Variants in DNAJC21 observed in about 807,000 individuals in gnomAD.
DNAJC21 encodes DnaJ heat shock protein family (Hsp40) member C21, also known as dnaJ homolog subfamily C member 21.
In DNAJC21, 63 loss-of-function variants were observed where a neutral mutation model predicts 72.4. The observed-to-expected ratio is 0.87, with a 90% CI of 0.71 to 1.07. The LOEUF (loss-of-function observed/expected upper bound fraction) is 1.07, where lower values mean the gene tolerates loss of function less well. Among genes scored for constraint, DNAJC21 ranks in the 50% least tolerant of loss-of-function variants. DNAJC21 has a pLI of 0.00. For missense variants in DNAJC21, 634 were observed against 644.8 expected (o/e 0.98, Z 0.18); for synonymous variants, 203 against 216.7 (o/e 0.94, Z 0.56).
In DNAJC21 at chr5:34,935,706, T is replaced by A. The variant is rs373857315; in HGVS notation, c.192-4T>A. 1.2e-5 allele frequency: 20 copies of A among 1,613,894 alleles called. No homozygotes were observed. Among genetic ancestry groups the A allele is most frequent in the Non-Finnish European group, 1.7e-5 (20 of 1,179,874 alleles). On this transcript the variant is annotated splice_region_variant and splice_polypyrimidine_tract_variant and intron_variant, in intron 2 of 11. Coordinates refer to ENST00000648817, the MANE Select transcript of DNAJC21 (RefSeq NM_001012339.3). ...TCACAATGATGCTAATTTTTGTTTT[T>A]CAGGTATGATAATCATAGAGAGGCC...
At chr5:34,954,305 C>A (rs1765469319) in intron 11 of DNAJC21, 1 of 487,730 alleles carries the variant, frequency 2.1e-6, no homozygotes, top group South Asian at 4.2e-5. Context: ...AGCATAAACT[C>A]TTCCTCTTTT....
At chr5:34,930,877 G>T (rs546570178) in intron 1 of DNAJC21, among the ~76,000 whole-genome samples, 2 of 152,276 alleles carry the variant, frequency 1.3e-5, no homozygotes, top group South Asian at 2.1e-4. Flanking sequence ...GAAAAAAATC[G>T]CAACATACAT....
chr5:34,946,796 T>C (rs1361104165), intron 9 of DNAJC21, among the ~76,000 whole-genome samples: 1 of 152,180 alleles, frequency 6.6e-6, no homozygotes, highest in Non-Finnish European at 1.5e-5. Context: ...GGAGAGAGAT[T>C]TATGTTTAAC....
Position 34,937,506 on chromosome 5 carries a change from G to A in DNAJC21, c.619G>A (p.Val207Ile). 6.2e-7 allele frequency: 1 copy of A among 1,614,180 alleles called. No homozygotes were observed. The highest frequency in any genetic ancestry group is 8.5e-7 in the Non-Finnish European group (1 of 1,179,998). The change falls in exon 5 of 12, where the codon GTA (valine) becomes ATA (isoleucine). Residue 207 changes from valine (V) to isoleucine (I), a missense_variant. By Grantham distance (29) the Val-to-Ile change is conservative. Transcript: ENST00000648817. ...GAAGAATGAGCTTGTCCGTCAGCTGGTAGCTTTCATTCGTAAAAGAGATAA... is the reference window on the plus strand; with the variant it reads ...GAAGAATGAGCTTGTCCGTCAGCTGATAGCTTTCATTCGTAAAAGAGATAA... ...KEKNELVRQL[V>I]AFIRKRDKRV...
At chr5:34,933,995 A>G in intron 2 of DNAJC21, 87 bp downstream of exon 2, 1 of 1,189,840 alleles carries the variant, frequency 8.4e-7, no homozygotes, top group Non-Finnish European at 1.2e-6. Context: ...AATTTAGTAC[A>G]TTAAATGGTT....
chr5:34,941,501 G>A (rs1203602918), intron 7 of DNAJC21, among the ~76,000 whole-genome samples: 3 of 151,606 alleles, frequency 2.0e-5, no homozygotes, highest in Non-Finnish European at 2.9e-5. Flanking sequence ...AGGATTGCAA[G>A]CGTGAGCCAC....
At chr5:34,942,675 T>C (rs1347596496) in intron 7 of DNAJC21, among the ~76,000 whole-genome samples, 3 of 152,236 alleles carry the variant, frequency 2.0e-5, no homozygotes, top group Non-Finnish European at 4.4e-5. Flanking sequence ...TCTTTCTCTC[T>C]ACACGCTCAA....
intron 7 of DNAJC21, among the ~76,000 whole-genome samples, chr5:34,942,834 T>C (rs463862): frequency 0.71 from 108,472 of 152,136 alleles, 39,644 homozygotes; most frequent in Non-Finnish European, 0.8. Context: ...TTTGGGAGGT[T>C]GAGGTGGACA....
At chr5:34,954,312 T>C (rs887954804) in intron 11 of DNAJC21, 3 of 492,366 alleles carry the variant, frequency 6.1e-6, no homozygotes, top group African/African-American at 2.0e-5. Context: ...ACTCTTCCTC[T>C]TTTTTAGTCC....
rs761579402 is a variant in DNAJC21 at position 34,950,357 on chromosome 5, C to T, written c.1358+15C>T. On this transcript the variant is annotated intron_variant, in intron 10 of 11. Transcript: ENST00000648817. ...GAAGCTAAAAGGTAAGTCAAAGTTGCATATTATTTGTAAATTACTGAATAT... is the reference window on the plus strand; with the variant it reads ...GAAGCTAAAAGGTAAGTCAAAGTTGTATATTATTTGTAAATTACTGAATAT... 2.1e-5 allele frequency: 34 copies of T among 1,601,688 alleles called. No homozygotes were observed. The East Asian group carries it at 6.7e-4, about 32-fold the overall frequency.
intron 9 of DNAJC21, among the ~76,000 whole-genome samples, chr5:34,949,339 G>A (rs562074304): frequency 6.6e-6 from 1 of 152,074 alleles, no homozygotes; most frequent in Non-Finnish European, 1.5e-5. Flanking sequence ...AAAAAAAAGT[G>A]GGGGAGCTGC....
At chr5:34,933,571 G>A (rs954860262) in intron 1 of DNAJC21, among the ~76,000 whole-genome samples, 2 of 152,110 alleles carry the variant, frequency 1.3e-5, no homozygotes, top group East Asian at 1.9e-4. Context: ...GAGCCATCAC[G>A]CCCAGCCCAG....
In DNAJC21 at chr5:34,938,879, A is replaced by G; in HGVS notation, c.765A>G (p.Glu255=). The G allele has an allele frequency of 6.2e-7, 1 of 1,614,060 alleles. No homozygotes were observed. Among genetic ancestry groups the G allele is most frequent in the Non-Finnish European group, 8.5e-7 (1 of 1,179,986 alleles). ...KQAKLVEQYR[E]QSWMTMANLE... ...CTAGACTGGTGGAGCAGTACAGAGA[A>G]CAGAGCTGGATGACTATGGCCAATT... is the stretch of plus-strand genomic sequence containing the variant. The change falls in exon 6 of 12, where the codon GAA becomes GAG. Residue 255 remains glutamate, a synonymous_variant. Transcript: ENST00000648817.
chr5:34,947,444 C>T (rs576797585), intron 9 of DNAJC21, among the ~76,000 whole-genome samples: 4 of 152,088 alleles, frequency 2.6e-5, no homozygotes, highest in Admixed American at 2.0e-4. Flanking sequence ...TGAAGTATCA[C>T]GTAGTTAAAT....
chr5:34,939,712 G>T (rs1006728827), intron 6 of DNAJC21, among the ~76,000 whole-genome samples: 16 of 151,990 alleles, frequency 1.1e-4, no homozygotes, highest in Admixed American at 9.8e-4. Flanking sequence ...GCTCCTCTTG[G>T]TGTGCCAAAA....
At chr5:34,954,350 G>C (rs942255662) in intron 11 of DNAJC21, among the ~76,000 whole-genome samples, 3 of 152,062 alleles carry the variant, frequency 2.0e-5, no homozygotes, top group Non-Finnish European at 4.4e-5. Context: ...GAAAGTCTCA[G>C]GACCCTTAAA....
chr5:34,954,829 G>T lies in DNAJC21; in HGVS notation c.*115G>T. The T allele has an allele frequency of 4.3e-6, 5 of 1,175,402 alleles. No individual in the cohort carries two copies. The highest frequency in any genetic ancestry group is 4.8e-5 in the South Asian group (2 of 41,514). 72.8% of individuals were successfully genotyped at this position (1,175,402 alleles called of 1,614,324 possible). On this transcript the variant is annotated 3_prime_UTR_variant, in exon 12 of 12. Coordinates refer to ENST00000648817, the MANE Select transcript of DNAJC21 (RefSeq NM_001012339.3). ...ATCTGCAATTAATTACATTGTGGAA[G>T]ATTATTTTTTATCTTGTAAAAACAC...
rs760089399 is a variant in DNAJC21 at position 34,945,742 on chromosome 5, G to A, written c.1143-19G>A. 7 of 1,569,960 alleles carry A rather than the reference G, an allele frequency of 4.5e-6. No homozygotes were observed. In the East Asian group the frequency reaches 7.0e-5, roughly 16 times the overall value. ...CACAGAGTCAAGTATTTGACATTTC[G>A]ATTTATATTTGCTCTTAGGCTTTCT... On this transcript the variant is annotated intron_variant, in intron 8 of 11. Transcript: ENST00000648817.
In DNAJC21 at chr5:34,957,602, A is replaced by T. The variant is rs1420975450; in HGVS notation, c.*2888A>T. The T allele has an allele frequency of 6.6e-6, 1 of 152,188 alleles. No individual in the cohort carries two copies. Among genetic ancestry groups the T allele is most frequent in the Non-Finnish European group, 1.5e-5 (1 of 68,036 alleles). 9.4% of individuals were successfully genotyped at this position (152,188 alleles called of 1,614,324 possible). On this transcript the variant is annotated 3_prime_UTR_variant, in exon 12 of 12. Coordinates refer to ENST00000648817, the MANE Select transcript of DNAJC21 (RefSeq NM_001012339.3). ...GAAGACTTATAAAGGATTTCATCAGAAGTTTTCATTTTTTCTAAATCCTCC... is the reference window on the plus strand; with the variant it reads ...GAAGACTTATAAAGGATTTCATCAGTAGTTTTCATTTTTTCTAAATCCTCC...
Sources: gnomAD v4.1 joint callset for allele counts (sites outside exome capture counted in the v4.1 genomes callset) on GRCh38, gnomAD v4.1.1 for gene constraint, MANE v1.5 for transcripts, NCBI Gene and HGNC (gene_info 2026-07-23, HGNC 2026-07-21) for gene names.